PUDP: variants seen among roughly 807,000 people sequenced by gnomAD.
PUDP encodes the protein pseudouridine-5'-phosphatase.
A neutral mutation model predicts 9.4 loss-of-function variants in PUDP; 8 were observed. That is an observed-to-expected ratio of 0.85 (90% confidence interval 0.50 to 1.53). The LOEUF is 1.53. Among genes scored for constraint, PUDP ranks in the 40% most tolerant of loss-of-function variants. The pLI, the probability that PUDP is intolerant of heterozygous loss-of-function variation, is 0.00. For synonymous variants in PUDP, 99 were observed against 80.7 expected (o/e 1.23, Z -1.22); for missense variants, 188 against 189.7 (o/e 0.99, Z 0.05).
intron 1 of PUDP, among the ~76,000 whole-genome samples, chrX:7,140,286 T>G (rs760182847): frequency 8.9e-6 from 1 of 111,981 alleles, no homozygotes; most frequent in East Asian, 2.8e-4. Flanking sequence ...GCTGCATTTA[T>G]TAATCACTAA....
chrX:7,031,731 G>A (rs1929795421), intron 1 of PUDP, among the ~76,000 whole-genome samples: 1 of 112,324 alleles, frequency 8.9e-6, no homozygotes, highest in African/African-American at 3.2e-5. Context: ...TGGAAAAACT[G>A]GATACCTATA....
intron 3 of PUDP, among the ~76,000 whole-genome samples, chrX:6,728,319 T>C (rs1924767767): frequency 9.0e-6 from 1 of 110,728 alleles, no homozygotes; most frequent in Admixed American, 9.6e-5. Flanking sequence ...GGCCAGGTGT[T>C]TGAGTCCAGC....
At chrX:7,004,379 C>T (rs1021190978) in intron 1 of PUDP, among the ~76,000 whole-genome samples, 14 of 111,185 alleles carry the variant, frequency 1.3e-4, no homozygotes, top group Non-Finnish European at 1.3e-4. Context: ...ACTTTAAACC[C>T]TGCTCACAGC....
At chrX:6,895,569 A>T (rs1927578683) in intron 3 of PUDP, among the ~76,000 whole-genome samples, 1 of 110,398 alleles carries the variant, frequency 9.1e-6, no homozygotes, top group East Asian at 2.8e-4. Context: ...TTGATATATA[A>T]GCTAAAATAA....
chrX:6,900,862 C>A (rs958623672), intron 3 of PUDP, among the ~76,000 whole-genome samples: 2 of 109,515 alleles, frequency 1.8e-5, no homozygotes, highest in Non-Finnish European at 3.8e-5. Context: ...ACTGCAACTT[C>A]TGTCTTCCAG....
chrX:6,777,407 T>C (rs1240044587), intron 3 of PUDP, among the ~76,000 whole-genome samples: 2 of 111,876 alleles, frequency 1.8e-5, no homozygotes, highest in Admixed American at 9.5e-5. Context: ...ACTCCCCCAA[T>C]AGAAATATCC....
intron 3 of PUDP, among the ~76,000 whole-genome samples, chrX:6,885,229 G>T (rs961480311): frequency 3.6e-5 from 4 of 111,914 alleles, no homozygotes; most frequent in Middle Eastern, 4.6e-3. Flanking sequence ...CCCTGTACTA[G>T]GTGCTGGGCA....
chrX:7,050,602 C>G (rs1930074497), intron 3 of PUDP, 130 bp from the exon 4 acceptor site: 3 of 593,519 alleles, frequency 5.1e-6, no homozygotes, highest in African/African-American at 4.6e-5. Context: ...GGGGGCTCCC[C>G]AGAGTAGAGA....
At chrX:7,081,980 T>C (rs1450856413) in intron 2 of PUDP, among the ~76,000 whole-genome samples, 2 of 112,795 alleles carry the variant, frequency 1.8e-5, no homozygotes, top group African/African-American at 3.2e-5. Context: ...ACACAAACTT[T>C]GTCTCACTCA....
In PUDP at chrX:7,113,376, G is replaced by A. The variant is rs1281770173; in HGVS notation, c.62-7538C>T. 5.3e-5 allele frequency: 6 copies of A among 114,094 alleles called. 1 individual carries two copies. The highest frequency in any genetic ancestry group is 4.7e-4 in the Admixed American group (5 of 10,749). The allele number at this position is 114,094 out of a possible 1,213,427, so 9.4% of individuals were successfully genotyped here. A position where few individuals can be genotyped will look rare whatever the true frequency, so the allele number is the denominator to read the frequency against. ...CACACTGCACTGTAGAATGAGGGCC[G>A]AGTAGATGCAAGTGAGCTCAAACAA... On this transcript the variant is annotated intron_variant, in intron 1 of 3. Transcript: ENST00000381077.
intron 3 of PUDP, among the ~76,000 whole-genome samples, chrX:6,875,108 G>A (rs139899436): frequency 0.012 from 1,346 of 111,489 alleles, 23 homozygotes; most frequent in African/African-American, 0.04. Flanking sequence ...TTGCTCTGTC[G>A]TCCAGGCTGG....
intron 1 of PUDP, among the ~76,000 whole-genome samples, chrX:7,034,554 T>C (rs763989091): frequency 8.9e-6 from 1 of 112,192 alleles, no homozygotes; most frequent in South Asian, 3.7e-4. Flanking sequence ...TGTGGGTATT[T>C]CTTATAATTT....
At chrX:6,735,385 G>A (rs781488946) in intron 3 of PUDP, among the ~76,000 whole-genome samples, 1 of 110,703 alleles carries the variant, frequency 9.0e-6, no homozygotes, top group East Asian at 2.8e-4. Flanking sequence ...GAAGGAAAAC[G>A]TTTTGCCTCA....
intron 3 of PUDP, among the ~76,000 whole-genome samples, chrX:6,789,946 A>G (rs1165570693): frequency 1.0e-5 from 1 of 97,116 alleles, no homozygotes; most frequent in African/African-American, 3.8e-5. Flanking sequence ...AGAAGATAGA[A>G]CATAGATAGA....
chrX:6,753,706 G>A (rs1426952903), intron 3 of PUDP, among the ~76,000 whole-genome samples: 1 of 111,637 alleles, frequency 9.0e-6, no homozygotes, highest in African/African-American at 3.3e-5. Context: ...GTTTTGATTT[G>A]CATTTCCCTG....
chrX:6,876,557 T>C (rs1033396838), intron 3 of PUDP, among the ~76,000 whole-genome samples: 1 of 109,094 alleles, frequency 9.2e-6, no homozygotes, highest in Admixed American at 9.8e-5. Flanking sequence ...AACACACACA[T>C]ACATATACCT....
intron 3 of PUDP, among the ~76,000 whole-genome samples, chrX:6,777,881 T>C (rs1016317025): frequency 6.2e-5 from 7 of 112,112 alleles, no homozygotes; most frequent in Non-Finnish European, 1.1e-4. Flanking sequence ...TTTTCACCAG[T>C]TGACTGTAAA....
At chrX:6,866,229 T>G (rs1430514276) in intron 3 of PUDP, among the ~76,000 whole-genome samples, 1 of 100,222 alleles carries the variant, frequency 1.0e-5, no homozygotes, top group Non-Finnish European at 2.0e-5. Flanking sequence ...CAGCTGAAAG[T>G]TTTTTTTTTT....
chrX:6,813,185 A>AG (rs1198890423), intron 3 of PUDP, among the ~76,000 whole-genome samples: 4 of 111,007 alleles, frequency 3.6e-5, no homozygotes, highest in African/African-American at 1.3e-4. Flanking sequence ...ACAAAGAAAG[A>AG]GAAAAAAAAG....
Sources: allele counts gnomAD v4.1 joint callset (sites outside exome capture counted in the v4.1 genomes callset), GRCh38; gene constraint gnomAD v4.1.1; transcripts MANE v1.5; gene names NCBI Gene and HGNC (gene_info 2026-07-23, HGNC 2026-07-21).